Variants in KANK1 observed in about 807,000 individuals in gnomAD.
KANK1 encodes KN motif and ankyrin repeat domain-containing protein 1.
Under a neutral mutation model 106.2 loss-of-function variants are expected in KANK1, and 109 were observed. The ratio of observed to expected loss-of-function variants is 1.03; its 90% confidence interval spans 0.88 to 1.20. KANK1 has a LOEUF of 1.20. KANK1 is among the 50% of genes most tolerant of loss of function. KANK1 has a pLI of 0.00. For synonymous variants in KANK1, 873 were observed against 652.2 expected (o/e 1.34, Z -5.16); for missense variants, 2,399 against 1,710.7 (o/e 1.40, Z -7.10).
chr9:623,718 C>T (rs1833719378), intron 1 of KANK1, among the ~76,000 whole-genome samples: 1 of 151,804 alleles, frequency 6.6e-6, no homozygotes, highest in Admixed American at 6.6e-5. Context: ...TGTTAGGATG[C>T]CTGTTATCAA....
intron 1 of KANK1, among the ~76,000 whole-genome samples, chr9:522,162 G>A (rs1295494622): frequency 6.6e-6 from 1 of 151,754 alleles, no homozygotes; most frequent in Non-Finnish European, 1.5e-5. Flanking sequence ...AAGAAATGGA[G>A]AATTTCATGA....
In KANK1 at chr9:676,957, T is replaced by C. The variant is rs377285658; in HGVS notation, c.-16T>C. 151 of 1,612,734 alleles carry C rather than the reference T, an allele frequency of 9.4e-5. No individual in the cohort carries two copies. The highest frequency in any genetic ancestry group is 1.4e-4 in the South Asian group (13 of 90,906). On this transcript the variant is annotated 5_prime_UTR_variant, in exon 2 of 12. Transcript: ENST00000382297. ...TCCTCACTCCTTTCTGGATCTCTCA[T>C]TGGACTCAAGCCAGCATGGCTCACA...
chr9:718,608 C>T lies in KANK1; in HGVS notation c.2698+5144C>T, dbSNP rs537540329. 1.6e-4 allele frequency among the ~76,000 whole-genome samples: 24 copies of T among 152,144 alleles called. No homozygotes were observed. The East Asian group carries it at 2.1e-3, about 13-fold the overall frequency. ...TACAGGTGTGAGCCACCATGCCAGGCCACTGTATCATTTTAGAAAGGGAGA... is the reference window on the plus strand; with the variant it reads ...TACAGGTGTGAGCCACCATGCCAGGTCACTGTATCATTTTAGAAAGGGAGA... On this transcript the variant is annotated intron_variant, in intron 3 of 11. Transcript: ENST00000382297.
intron 3 of KANK1, among the ~76,000 whole-genome samples, chr9:485,785 C>T (rs377087702): frequency 6.6e-6 from 1 of 151,016 alleles, no homozygotes; most frequent in Non-Finnish European, 1.5e-5. Flanking sequence ...GCAGGAGAAT[C>T]GCTTGAACCT....
chr9:555,329 C>T (rs1032136839), intron 1 of KANK1, among the ~76,000 whole-genome samples: 6 of 152,146 alleles, frequency 3.9e-5, no homozygotes, highest in African/African-American at 1.4e-4. Context: ...ACCTGCCTCC[C>T]CTACCTTCCA....
chr9:483,019 G>C (rs114761987), intron 3 of KANK1, among the ~76,000 whole-genome samples: 1 of 152,018 alleles, frequency 6.6e-6, no homozygotes, highest in Non-Finnish European at 1.5e-5. Context: ...GTCAACTGTC[G>C]CAGCATCACA....
chr9:674,065 C>T (rs1469956408), intron 1 of KANK1: 1 of 151,990 alleles, frequency 6.6e-6, no homozygotes, highest in Non-Finnish European at 1.5e-5. Context: ...ACATTCACTC[C>T]TATTCTTAAA....
intron 2 of KANK1, among the ~76,000 whole-genome samples, chr9:683,709 A>C (rs1354312091): frequency 1.3e-5 from 2 of 152,224 alleles, no homozygotes; most frequent in African/African-American, 4.8e-5. Context: ...TTATGTTGGT[A>C]AGTTACTTTT....
At chr9:528,772 G>A (rs1262869460) in intron 1 of KANK1, among the ~76,000 whole-genome samples, 1 of 151,964 alleles carries the variant, frequency 6.6e-6, no homozygotes, top group Non-Finnish European at 1.5e-5. Context: ...ACAGGCATGA[G>A]CCACCATGCC....
chr9:561,487 T>C (rs1466895870), intron 1 of KANK1, among the ~76,000 whole-genome samples: 2 of 152,216 alleles, frequency 1.3e-5, no homozygotes, highest in Non-Finnish European at 2.9e-5. Flanking sequence ...AATGAAGATA[T>C]CTCAAATACA....
chr9:710,979 G>A lies in KANK1; in HGVS notation c.213G>A (p.Val71=), dbSNP rs760019725. The A allele has an allele frequency of 1.2e-6, 2 of 1,614,166 alleles. No homozygotes were observed. The highest frequency in any genetic ancestry group is 1.7e-6 in the Non-Finnish European group (2 of 1,180,022). The change falls in exon 3 of 12, where the codon GTG becomes GTA. Residue 71 remains valine, a synonymous_variant. Coordinates refer to ENST00000382297, the MANE Select transcript of KANK1 (RefSeq NM_015158.5). ...TCCAGAAGAGGCGGAAGCCGTCCGT[G>A]CCATGCCCAGAACCCAGGACCACAT... is the stretch of plus-strand genomic sequence containing the variant. The part of the protein sequence containing the change: ...LNIQKRRKPS[V]PCPEPRTTSG...
intron 1 of KANK1, among the ~76,000 whole-genome samples, chr9:654,578 C>CT (rs147769131): frequency 0.067 from 8,022 of 120,576 alleles, 229 homozygotes; most frequent in African/African-American, 0.13. Flanking sequence ...ATTTACCACT[C>CT]AATCGTTTCT....
chr9:664,949 C>T (rs1161576254), intron 1 of KANK1, among the ~76,000 whole-genome samples: 1 of 152,112 alleles, frequency 6.6e-6, no homozygotes, highest in East Asian at 1.9e-4. Flanking sequence ...TTCTTATACC[C>T]TTTGTTCATT....
Position 711,420 on chromosome 9 carries a change from T to C in KANK1, c.654T>C (p.Gly218=). Reference sequence around the variant, plus strand: ...ACCAGCTTCAGAATGGATACCAAGGTAATGGGGATTATGGTAGCTATGCCC... The same window carrying C: ...ACCAGCTTCAGAATGGATACCAAGGCAATGGGGATTATGGTAGCTATGCCC... ...AKHQLQNGYQ[G]NGDYGSYAPA... is the part of the protein sequence containing the mutation. The change falls in exon 3 of 12, where the codon GGT becomes GGC. Residue 218 remains glycine (G), a synonymous_variant. Coordinates refer to ENST00000382297, the MANE Select transcript of KANK1 (RefSeq NM_015158.5). 1 of 1,614,064 alleles carries C rather than the reference T, an allele frequency of 6.2e-7. No homozygotes were observed. The highest frequency in any genetic ancestry group is 2.2e-5 in the East Asian group (1 of 44,860).
chr9:606,612 GTGTA>G (rs1563848403), intron 1 of KANK1, among the ~76,000 whole-genome samples: 1 of 79,490 alleles, frequency 1.3e-5, no homozygotes, highest in Admixed American at 1.0e-4. Context: ...GTGTGTGTGT[GTGTA>G]TATATTTATA....
At position 602,696 on chromosome 9, in the gene KANK1, C is replaced by T. The variant is rs558382212; in HGVS notation, c.-83-74194C>T. 3.0e-4 allele frequency among the ~76,000 whole-genome samples: 45 copies of T among 151,846 alleles called. 3 individuals are homozygous for T. The highest frequency in any genetic ancestry group is 8.7e-4 in the African/African-American group (36 of 41,194). On this transcript the variant is annotated intron_variant, in intron 1 of 11. Coordinates refer to ENST00000382297, the MANE Select transcript of KANK1 (RefSeq NM_015158.5). ...TAAACTTTTGATAAGTTATTTTTGT[C>T]CTTATAATTTTATGTGTGAAGTCTT...
chr9:693,671 ACAGCTCCTGGGCTCTTTGC>A (rs1268868063), intron 2 of KANK1: 1 of 985,266 alleles, frequency 1.0e-6, no homozygotes, highest in Non-Finnish European at 1.2e-6. Flanking sequence ...ATTCTCTGCA[ACAGCTCCTGGGCTCTTTGC>A]CTGCTAATGT....
At chr9:690,330 G>C (rs1022459135) in intron 2 of KANK1, among the ~76,000 whole-genome samples, 30 of 149,404 alleles carry the variant, frequency 2.0e-4, no homozygotes, top group African/African-American at 7.3e-4. Flanking sequence ...AAAAAAAAAG[G>C]CTACAAGAGA....
At chr9:661,403 C>G (rs1235200145) in intron 1 of KANK1, among the ~76,000 whole-genome samples, 1 of 152,090 alleles carries the variant, frequency 6.6e-6, no homozygotes, top group African/African-American at 2.4e-5. Flanking sequence ...CAATAGTTTG[C>G]TCAGAATGAT....
Sources: gnomAD v4.1 joint callset for allele counts (sites outside exome capture counted in the v4.1 genomes callset) on GRCh38, gnomAD v4.1.1 for gene constraint, MANE v1.5 for transcripts, NCBI Gene and HGNC (gene_info 2026-07-23, HGNC 2026-07-21) for gene names.